The following PCDHGB3 variants were observed in gnomAD, a reference collection of about 807,000 sequenced individuals.
PCDHGB3 encodes the protein protocadherin gamma-B3.
In PCDHGB3, 40 loss-of-function variants were observed where a neutral mutation model predicts 59.2. The observed-to-expected ratio is 0.68, with a 90% CI of 0.52 to 0.88. The LOEUF (loss-of-function observed/expected upper bound fraction) is 0.88. Among genes scored for constraint, PCDHGB3 ranks in the 40% least tolerant of loss-of-function variants. The pLI, the probability that PCDHGB3 is intolerant of heterozygous loss-of-function variation, is 0.00. For synonymous variants in PCDHGB3, 581 were observed against 503.6 expected (o/e 1.15, Z -2.06); for missense variants, 1,309 against 1,187.9 (o/e 1.10, Z -1.50).
intron 1 of PCDHGB3, chr5:141,413,227 G>A (rs552225139): frequency 1.9e-5 from 30 of 1,613,938 alleles, no homozygotes; most frequent in Non-Finnish European, 2.5e-5. Flanking sequence ...CAGCGGGCTG[G>A]TCCTGCTCTG....
At chr5:141,474,772 G>T (rs1053853138) in intron 1 of PCDHGB3, among the ~76,000 whole-genome samples, 1 of 152,182 alleles carries the variant, frequency 6.6e-6, no homozygotes, top group Non-Finnish European at 1.5e-5. Context: ...AATAGTATGA[G>T]GCTCTAACAC....
chr5:141,476,562 C>A lies in PCDHGB3; in HGVS notation c.2416-18245C>A. On this transcript the variant is annotated intron_variant, in intron 1 of 3. Transcript: ENST00000576222. This position sits in a 1 kb window ranked among gnomAD's most constrained non-coding sequence, Gnocchi z 7.6. ...AAATTGGAGATTAGCGAGGCCGTGG[C>A]TCCGGGGACGCGCTTTCCGCTCGAG... 1 of 1,614,218 alleles carries A rather than the reference C, an allele frequency of 6.2e-7. No homozygotes were observed. The highest frequency in any genetic ancestry group is 8.5e-7 in the Non-Finnish European group (1 of 1,180,034).
chr5:141,395,158 A>G, intron 1 of PCDHGB3: 2 of 1,614,208 alleles, frequency 1.2e-6, no homozygotes, highest in Non-Finnish European at 1.7e-6. Context: ...CTCATCAGTC[A>G]GGAGGGCTGT....
chr5:141,388,907 C>T (rs1321583045), intron 1 of PCDHGB3: 5 of 1,613,786 alleles, frequency 3.1e-6, no homozygotes, highest in African/African-American at 1.3e-5. Context: ...AAAATGACAA[C>T]GCCCCAGAAG....
In PCDHGB3 at chr5:141,476,073, A is replaced by C. The variant is rs765071344; in HGVS notation, c.2416-18734A>C. On this transcript the variant is annotated intron_variant, in intron 1 of 3. Coordinates refer to ENST00000576222, the MANE Select transcript of PCDHGB3 (RefSeq NM_018924.5). The surrounding 1 kb of genome is among the most constrained non-coding windows in gnomAD (Gnocchi z 7.6). ...GCTGAAAGTTTCTCAGCGAAATCTC[A>C]GGGACGATCTGGACCCCGCTGAGAG... 4 of 1,524,010 alleles carry C rather than the reference A, an allele frequency of 2.6e-6. No individual in the cohort carries two copies. Among genetic ancestry groups the C allele is most frequent in the Admixed American group, 4.2e-5 (2 of 47,746 alleles). The allele number at this position is 1,524,010 out of a possible 1,614,324, so 94.4% of individuals were successfully genotyped here. A position where few individuals can be genotyped will look rare whatever the true frequency, so the allele number is the denominator to read the frequency against.
Position 141,485,193 on chromosome 5 carries a change from G to C in PCDHGB3, c.2416-9614G>C. 1 of 1,613,988 alleles carries C rather than the reference G, an allele frequency of 6.2e-7. No individual in the cohort carries two copies. Among genetic ancestry groups the C allele is most frequent in the Non-Finnish European group, 8.5e-7 (1 of 1,179,852 alleles). On this transcript the variant is annotated intron_variant, in intron 1 of 3. Transcript: ENST00000576222. This position sits in a 1 kb window ranked among gnomAD's most constrained non-coding sequence, Gnocchi z 5.7. ...GCAGCAATGCTCCGCAAGGTGAGAA[G>C]CTGGACAGAAATCTGGCGGTGGGCT...
chr5:141,487,491 C>A lies in PCDHGB3; in HGVS notation c.2416-7316C>A. On this transcript the variant is annotated intron_variant, in intron 1 of 3. Transcript: ENST00000576222. This position sits in a 1 kb window ranked among gnomAD's most constrained non-coding sequence, Gnocchi z 5.0. The stretch of plus-strand genomic sequence containing the variant: ...GTGGGAGGCCACTCTCATGGCTGTA[C>A]ACCCTTGGCTTCTGCACCCACTCGG... The A allele has an allele frequency of 6.2e-7, 1 of 1,614,204 alleles. No individual in the cohort carries two copies. The highest frequency in any genetic ancestry group is 8.5e-7 in the Non-Finnish European group (1 of 1,180,034).
intron 1 of PCDHGB3, chr5:141,430,643 T>C (rs1432236231): frequency 2.1e-6 from 2 of 947,068 alleles, no homozygotes; most frequent in Non-Finnish European, 3.0e-6. Context: ...CCTGGGAGTA[T>C]GTGGAAACAA....
In PCDHGB3 at chr5:141,491,652, G is replaced by A. The variant is rs370043428; in HGVS notation, c.2416-3155G>A. ...AGCAGCCCACAGCTCTGGCGCTGGAGCCTGACGCCATCCGGTCCCGCTCTA... is the reference window on the plus strand; with the variant it reads ...AGCAGCCCACAGCTCTGGCGCTGGAACCTGACGCCATCCGGTCCCGCTCTA... On this transcript the variant is annotated intron_variant, in intron 1 of 3. Transcript: ENST00000576222. This position sits in a 1 kb window ranked among gnomAD's most constrained non-coding sequence, Gnocchi z 6.9. 2 of 1,613,726 alleles carry A rather than the reference G, an allele frequency of 1.2e-6. No homozygotes were observed. Among genetic ancestry groups the A allele is most frequent in the African/African-American group, 1.3e-5 (1 of 74,944 alleles).
chr5:141,390,043 C>T, intron 1 of PCDHGB3: 2 of 1,614,064 alleles, frequency 1.2e-6, no homozygotes, highest in Non-Finnish European at 8.5e-7. Flanking sequence ...TCCAGCCCCG[C>T]CTCCTGGAGC....
Position 141,395,019 on chromosome 5 carries a change from C to G in PCDHGB3, c.2415+22210C>G, listed in dbSNP as rs374672662. On this transcript the variant is annotated intron_variant, in intron 1 of 3. Transcript: ENST00000576222. ...TTCCGGTGGCAGATTGGTAGGCGTG[C>G]CTGCCTCACATTTTGTGGGTGTTGA... The G allele has an allele frequency of 3.7e-6, 6 of 1,613,986 alleles. No homozygotes were observed. Among genetic ancestry groups the G allele is most frequent in the Non-Finnish European group, 5.1e-6 (6 of 1,180,016 alleles).
Position 141,409,090 on chromosome 5 carries a change from G to C in PCDHGB3, c.2415+36281G>C, listed in dbSNP as rs181368417. 9.9e-5 allele frequency: 159 copies of C among 1,614,024 alleles called. No individual in the cohort carries two copies. The African/African-American group carries it at 1.9e-3, about 19-fold the overall frequency. On this transcript the variant is annotated intron_variant, in intron 1 of 3. Transcript: ENST00000576222. ...CAAAACATATGTTCTCATTGGATGA[G>C]AAAACAGGTATGATTAAGAATAACC...
intron 1 of PCDHGB3, chr5:141,418,454 A>G (rs1211470387): frequency 3.1e-6 from 5 of 1,613,774 alleles, no homozygotes; most frequent in Non-Finnish European, 3.4e-6. Flanking sequence ...ATTGCAGAAG[A>G]CTCTGGACCG....
At chr5:141,425,258 G>T (rs965944291) in intron 1 of PCDHGB3, among the ~76,000 whole-genome samples, 2 of 152,134 alleles carry the variant, frequency 1.3e-5, no homozygotes, top group Non-Finnish European at 2.9e-5. Context: ...GAGGTATTTG[G>T]CTGGGAAAAG....
At chr5:141,401,566 C>G (rs2094168998) in intron 1 of PCDHGB3, among the ~76,000 whole-genome samples, 1 of 152,312 alleles carries the variant, frequency 6.6e-6, no homozygotes, top group African/African-American at 2.4e-5. Context: ...CTGAATTTCT[C>G]TTGCTCGGAA....
rs772807357 is a variant in PCDHGB3, at chr5:141,431,758, C to G, written c.2415+58949C>G. On this transcript the variant is annotated intron_variant, in intron 1 of 3. Transcript: ENST00000576222. This position sits in a 1 kb window ranked among gnomAD's most constrained non-coding sequence, Gnocchi z 4.8. ...CAGGATATTCTGCGCGAGCCAAAGTCCTGATCACTGTTCTGGACGTGAACG... is the reference window on the plus strand; with the variant it reads ...CAGGATATTCTGCGCGAGCCAAAGTGCTGATCACTGTTCTGGACGTGAACG... 2.0e-5 allele frequency: 32 copies of G among 1,614,054 alleles called. No individual in the cohort carries two copies. The highest frequency in any genetic ancestry group is 2.6e-5 in the Non-Finnish European group (31 of 1,180,028).
chr5:141,474,208 A>C (rs1243312558), intron 1 of PCDHGB3, among the ~76,000 whole-genome samples: 1 of 152,242 alleles, frequency 6.6e-6, no homozygotes, highest in Non-Finnish European at 1.5e-5. Context: ...TGATTTTCAA[A>C]AACCAGATTG....
intron 1 of PCDHGB3, among the ~76,000 whole-genome samples, chr5:141,449,708 A>G (rs2098652470): frequency 6.6e-6 from 1 of 151,418 alleles, no homozygotes; most frequent in African/African-American, 2.4e-5. Context: ...CAAACACATT[A>G]TTTTTATATG....
intron 1 of PCDHGB3, among the ~76,000 whole-genome samples, chr5:141,468,962 C>T (rs2099187487): frequency 6.7e-6 from 1 of 148,782 alleles, no homozygotes; most frequent in Non-Finnish European, 1.5e-5. Context: ...GTTTTTTTTA[C>T]CTTAGGCTTT....
Sources: allele counts gnomAD v4.1 joint callset (sites outside exome capture counted in the v4.1 genomes callset), GRCh38; gene constraint gnomAD v4.1.1; non-coding constraint Gnocchi (gnomAD v3.1); transcripts MANE v1.5; gene names NCBI Gene and HGNC (gene_info 2026-07-23, HGNC 2026-07-21).